The following C10orf90 variants were observed in gnomAD, a reference collection of about 807,000 sequenced individuals.
C10orf90 encodes (E2-independent) E3 ubiquitin-conjugating enzyme FATS.
Under a neutral mutation model 62.5 loss-of-function variants are expected in C10orf90, and 56 were observed. The observed-to-expected ratio is 0.90, with a 90% confidence interval of 0.72 to 1.12. C10orf90 has a LOEUF of 1.12. C10orf90 is among the 50% of genes most tolerant of loss of function. The probability of loss-of-function intolerance (pLI) is 0.00; values close to 1 mark genes in which losing one functional copy is unlikely to be tolerated. For missense variants in C10orf90, 970 were observed against 880.4 expected, an observed-to-expected ratio of 1.10 and a Z score of -1.29; for synonymous variants, 386 against 340.4, an observed-to-expected ratio of 1.13 and a Z score of -1.47.
At chr10:126,609,351 C>G (rs1055462029) in intron 2 of C10orf90, among the ~76,000 whole-genome samples, 2 of 152,054 alleles carry the variant, frequency 1.3e-5, no homozygotes, top group African/African-American at 2.4e-5. Context: ...TGCAGTGAGC[C>G]GAGATCGCGC....
intron 1 of C10orf90, among the ~76,000 whole-genome samples, chr10:126,650,855 C>T (rs1846278367): frequency 1.3e-5 from 2 of 152,118 alleles, no homozygotes; most frequent in Non-Finnish European, 2.9e-5. Context: ...CCTACACCAG[C>T]CCTCCTGACC....
intron 2 of C10orf90, among the ~76,000 whole-genome samples, chr10:126,529,931 T>C (rs548852632): frequency 6.6e-6 from 1 of 152,328 alleles, no homozygotes; most frequent in Middle Eastern, 3.4e-3. Context: ...AGCTGCTAAT[T>C]ATACTCTAAG....
chr10:126,490,235 T>C (rs890056754), intron 4 of C10orf90, among the ~76,000 whole-genome samples: 4 of 148,058 alleles, frequency 2.7e-5, no homozygotes, highest in African/African-American at 9.9e-5. Context: ...ACGGCATAAA[T>C]GAACCCTGAG....
intron 7 of C10orf90, among the ~76,000 whole-genome samples, chr10:126,437,111 T>C (rs1393013286): frequency 6.6e-6 from 1 of 152,206 alleles, no homozygotes; most frequent in Non-Finnish European, 1.5e-5. Context: ...CTCAAGCTAG[T>C]CTTCTCTCCT....
intron 2 of C10orf90, among the ~76,000 whole-genome samples, chr10:126,529,187 A>T (rs1478336421): frequency 6.6e-6 from 1 of 152,184 alleles, no homozygotes; most frequent in Non-Finnish European, 1.5e-5. Flanking sequence ...CCAAAATTAG[A>T]CACCTTTTCC....
At chr10:126,596,409 A>G (rs1039815426) in intron 2 of C10orf90, among the ~76,000 whole-genome samples, 24 of 152,090 alleles carry the variant, frequency 1.6e-4, no homozygotes, top group East Asian at 5.8e-4. Flanking sequence ...CAAAAAGAAA[A>G]GCCACAGACC....
intron 2 of C10orf90, among the ~76,000 whole-genome samples, chr10:126,593,326 T>A (rs1049689489): frequency 6.6e-6 from 1 of 152,158 alleles, no homozygotes; most frequent in Non-Finnish European, 1.5e-5. Flanking sequence ...GAAAATGTGG[T>A]GCATATACAC....
At chr10:126,603,328 G>T (rs1269276816) in intron 2 of C10orf90, among the ~76,000 whole-genome samples, 2 of 152,082 alleles carry the variant, frequency 1.3e-5, no homozygotes, top group Non-Finnish European at 2.9e-5. Flanking sequence ...GCAAAAGCGG[G>T]AAAAGCCCCT....
intron 2 of C10orf90, among the ~76,000 whole-genome samples, chr10:126,632,019 C>A (rs1159108104): frequency 2.6e-5 from 4 of 152,056 alleles, no homozygotes; most frequent in Non-Finnish European, 5.9e-5. Context: ...GCCCCAGAAT[C>A]CCAACACAAA....
At chr10:126,485,509 A>G (rs1020157385) in intron 4 of C10orf90, among the ~76,000 whole-genome samples, 8 of 152,190 alleles carry the variant, frequency 5.3e-5, no homozygotes, top group Admixed American at 3.3e-4. Context: ...TTTTTTTAAA[A>G]GAGCAAAAAA....
intron 4 of C10orf90, among the ~76,000 whole-genome samples, chr10:126,502,103 CCACA>C (rs59839146): frequency 7.2e-6 from 1 of 138,694 alleles, no homozygotes; most frequent in African/African-American, 2.8e-5. Flanking sequence ...CACACACACA[CCACA>C]CACACACACA....
intron 2 of C10orf90, among the ~76,000 whole-genome samples, chr10:126,531,421 C>T (rs565535402): frequency 7.8e-4 from 118 of 152,234 alleles, no homozygotes; most frequent in African/African-American, 2.7e-3. Context: ...GATTGTTAGG[C>T]CCAAAGGGTC....
intron 1 of C10orf90, among the ~76,000 whole-genome samples, chr10:126,654,844 G>A (rs1846360905): frequency 6.6e-6 from 1 of 152,138 alleles, no homozygotes; most frequent in Non-Finnish European, 1.5e-5. Context: ...GGCCACTTGA[G>A]CGTTCACTTG....
intron 2 of C10orf90, among the ~76,000 whole-genome samples, chr10:126,579,090 G>T (rs150787639): frequency 2.7e-4 from 41 of 151,450 alleles, no homozygotes; most frequent in African/African-American, 9.9e-4. Flanking sequence ...AAACCTATCA[G>T]CTCTGCTCTT....
rs565371541 is a variant in C10orf90, at chr10:126,568,925, C to T, written c.314-54986G>A. Reference sequence around the variant, plus strand: ...AATGAAGACAAGGAGGTTTAGGGCACCTCCCAGCCAAGGGATGAGGCCGGG... The same window carrying T: ...AATGAAGACAAGGAGGTTTAGGGCATCTCCCAGCCAAGGGATGAGGCCGGG... On this transcript the variant is annotated intron_variant, in intron 2 of 9. Coordinates refer to ENST00000488181, the MANE Select transcript of C10orf90 (RefSeq NM_001350921.2). 2.6e-5 allele frequency among the ~76,000 whole-genome samples: 4 copies of T among 152,190 alleles called. No homozygotes were observed. The South Asian group carries it at 8.3e-4, about 32-fold the overall frequency.
intron 2 of C10orf90, among the ~76,000 whole-genome samples, chr10:126,587,144 G>A (rs923286613): frequency 5.9e-5 from 9 of 152,086 alleles, no homozygotes; most frequent in African/African-American, 1.7e-4. Flanking sequence ...ATGACATCAC[G>A]ACAGGGACAT....
intron 4 of C10orf90, among the ~76,000 whole-genome samples, chr10:126,484,079 T>C (rs889886381): frequency 3.3e-5 from 5 of 152,208 alleles, no homozygotes; most frequent in Admixed American, 2.6e-4. Context: ...TTCTCTCTCC[T>C]GTCTGTGTGC....
intron 4 of C10orf90, among the ~76,000 whole-genome samples, chr10:126,499,679 C>T (rs1033012146): frequency 1.3e-5 from 2 of 152,166 alleles, no homozygotes; most frequent in Non-Finnish European, 2.9e-5. Context: ...TCCAGTCATC[C>T]ACATCTTTAT....
At chr10:126,485,750 C>T (rs1176795974) in intron 4 of C10orf90, among the ~76,000 whole-genome samples, 1 of 150,864 alleles carries the variant, frequency 6.6e-6, no homozygotes, top group Admixed American at 6.6e-5. Context: ...GCCATCCTGT[C>T]TAACATGGTG....
Sources: gnomAD v4.1 joint callset for allele counts (sites outside exome capture counted in the v4.1 genomes callset) on GRCh38, gnomAD v4.1.1 for gene constraint, MANE v1.5 for transcripts, NCBI Gene and HGNC (gene_info 2026-07-23, HGNC 2026-07-21) for gene names.